The following GALNTL6 variants were observed in gnomAD, a reference collection of about 807,000 sequenced individuals.
GALNTL6 encodes the protein polypeptide N-acetylgalactosaminyltransferase like 6.
GALNTL6 carries 46 observed loss-of-function variants against 73.7 expected under a neutral mutation model. The ratio of observed to expected loss-of-function variants is 0.62; its 90% CI spans 0.49 to 0.80. The LOEUF (loss-of-function observed/expected upper bound fraction) is 0.80, where lower values mean the gene tolerates loss of function less well. GALNTL6 is among the 30% of genes least tolerant of loss of function. GALNTL6 has a pLI of 0.00. For synonymous variants in GALNTL6, 259 were observed against 263.7 expected (o/e 0.98, Z 0.17); for missense variants, 604 against 755.0 (o/e 0.80, Z 2.34).
At chr4:172,554,099 A>G (rs535396300) in intron 5 of GALNTL6, among the ~76,000 whole-genome samples, 68 of 152,266 alleles carry the variant, frequency 4.5e-4, no homozygotes, top group African/African-American at 1.5e-3. Flanking sequence ...CCTTGTTCCA[A>G]TTGCCATTGC....
At chr4:172,923,202 G>A (rs1421283090) in intron 8 of GALNTL6, among the ~76,000 whole-genome samples, 1 of 152,176 alleles carries the variant, frequency 6.6e-6, no homozygotes, top group African/African-American at 2.4e-5. Flanking sequence ...AAAATAAAGA[G>A]GTTTAATGGA....
chr4:172,579,037 AT>A (rs1737064960), intron 5 of GALNTL6, among the ~76,000 whole-genome samples: 1 of 152,166 alleles, frequency 6.6e-6, no homozygotes, highest in Non-Finnish European at 1.5e-5. Context: ...TGACAATCTG[AT>A]TTTGTGAAAA....
At chr4:172,747,249 G>T (rs189462445) in intron 5 of GALNTL6, among the ~76,000 whole-genome samples, 5 of 152,082 alleles carry the variant, frequency 3.3e-5, no homozygotes, top group Admixed American at 3.3e-4. Flanking sequence ...GGGAGAAAAT[G>T]TTTGCAAATC....
chr4:172,296,595 G>A (rs1739683834), intron 3 of GALNTL6, among the ~76,000 whole-genome samples: 1 of 152,056 alleles, frequency 6.6e-6, no homozygotes, highest in Non-Finnish European at 1.5e-5. Context: ...TCCCACCTAT[G>A]AGTGAGAACA....
chr4:171,880,575 T>A lies in GALNTL6; in HGVS notation c.138+65857T>A, dbSNP rs529519195. Among the ~76,000 whole-genome samples the A allele has an allele frequency of 9.2e-5, 14 of 152,274 alleles. No homozygotes were observed. In the South Asian group the frequency reaches 2.1e-3, roughly 23 times the overall value. The stretch of plus-strand genomic sequence containing the variant: ...AACATTGTGTGTTCAAATCCAGAAT[T>A]GTGCTGAAGCAGGCACAAAATAACA... On this transcript the variant is annotated intron_variant, in intron 2 of 12. Coordinates refer to ENST00000506823, the MANE Select transcript of GALNTL6 (RefSeq NM_001034845.3).
intron 2 of GALNTL6, among the ~76,000 whole-genome samples, chr4:172,168,811 AC>A (rs1360806749): frequency 1.3e-5 from 2 of 152,168 alleles, no homozygotes; most frequent in Non-Finnish European, 2.9e-5. Context: ...TCAATAGTAA[AC>A]CTAGTTATGC....
At chr4:172,087,695 T>A (rs1579125787) in intron 2 of GALNTL6, among the ~76,000 whole-genome samples, 2 of 151,998 alleles carry the variant, frequency 1.3e-5, no homozygotes, top group East Asian at 1.9e-4. Flanking sequence ...TATACTTGAT[T>A]TTTTTTACAA....
At chr4:172,190,873 T>C (rs1378931034) in intron 2 of GALNTL6, among the ~76,000 whole-genome samples, 1 of 152,080 alleles carries the variant, frequency 6.6e-6, no homozygotes, top group African/African-American at 2.4e-5. Flanking sequence ...GTCTAGGGAG[T>C]TGACTACTTC....
At chr4:172,797,876 T>G (rs1228687359) in intron 5 of GALNTL6, among the ~76,000 whole-genome samples, 1 of 151,524 alleles carries the variant, frequency 6.6e-6, no homozygotes, top group Non-Finnish European at 1.5e-5. Context: ...AATTATATAC[T>G]TTTCTTTACT....
chr4:171,875,497 T>C (rs1736251740), intron 2 of GALNTL6, among the ~76,000 whole-genome samples: 2 of 152,104 alleles, frequency 1.3e-5, no homozygotes, highest in South Asian at 4.1e-4. Flanking sequence ...GATGCACATG[T>C]GTGAGCACAG....
At chr4:172,432,501 T>C (rs1288603973) in intron 5 of GALNTL6, among the ~76,000 whole-genome samples, 1 of 151,924 alleles carries the variant, frequency 6.6e-6, no homozygotes, top group Non-Finnish European at 1.5e-5. Flanking sequence ...TCTCAGAACT[T>C]TTCTGAGAAA....
At chr4:172,359,112 C>T (rs1392859804) in intron 5 of GALNTL6, among the ~76,000 whole-genome samples, 1 of 152,060 alleles carries the variant, frequency 6.6e-6, no homozygotes, top group Non-Finnish European at 1.5e-5. Flanking sequence ...TTCACATTAG[C>T]AAAAACATGG....
At chr4:172,574,201 T>A (rs191139038) in intron 5 of GALNTL6, among the ~76,000 whole-genome samples, 1 of 152,238 alleles carries the variant, frequency 6.6e-6, no homozygotes, top group African/African-American at 2.4e-5. Context: ...ACCTGTGAAG[T>A]GATTGCAGAA....
intron 5 of GALNTL6, among the ~76,000 whole-genome samples, chr4:172,766,661 C>T (rs1361763310): frequency 6.6e-6 from 1 of 152,184 alleles, no homozygotes; most frequent in Non-Finnish European, 1.5e-5. Flanking sequence ...ACCTGTCCTT[C>T]CAAATTCTAA....
At chr4:172,631,836 G>A (rs1209310331) in intron 5 of GALNTL6, among the ~76,000 whole-genome samples, 1 of 152,164 alleles carries the variant, frequency 6.6e-6, no homozygotes, top group African/African-American at 2.4e-5. Flanking sequence ...GAAAAGTTTT[G>A]AAAATATCAC....
At chr4:172,232,543 C>T (rs895974558) in intron 3 of GALNTL6, among the ~76,000 whole-genome samples, 1 of 151,796 alleles carries the variant, frequency 6.6e-6, no homozygotes, top group African/African-American at 2.4e-5. Flanking sequence ...TATTAAGGTA[C>T]ATATTTAATA....
At chr4:172,933,112 T>C (rs999835409) in intron 9 of GALNTL6, among the ~76,000 whole-genome samples, 2 of 152,170 alleles carry the variant, frequency 1.3e-5, no homozygotes, top group African/African-American at 4.8e-5. Flanking sequence ...CACAGGAAAG[T>C]AAATGATTGA....
chr4:173,037,465 T>C (rs1753741479), intron 12 of GALNTL6, among the ~76,000 whole-genome samples: 1 of 152,194 alleles, frequency 6.6e-6, no homozygotes, highest in Non-Finnish European at 1.5e-5. Context: ...TATATTTGCA[T>C]ACTCGACTTG....
chr4:172,077,804 C>T (rs1731746301), intron 2 of GALNTL6, among the ~76,000 whole-genome samples: 1 of 152,112 alleles, frequency 6.6e-6, no homozygotes, highest in Non-Finnish European at 1.5e-5. Context: ...GAAAATCTCT[C>T]TAGGGCATTT....
Sources: gnomAD v4.1 joint callset for allele counts (sites outside exome capture counted in the v4.1 genomes callset) on GRCh38, gnomAD v4.1.1 for gene constraint, MANE v1.5 for transcripts, NCBI Gene and HGNC (gene_info 2026-07-23, HGNC 2026-07-21) for gene names.